The following SPAG16 variants were observed in gnomAD, a reference collection of about 807,000 sequenced individuals.
The protein encoded by SPAG16 is sperm-associated antigen 16 protein.
Under a neutral mutation model 80.4 loss-of-function variants are expected in SPAG16, and 86 were observed. The observed-to-expected ratio is 1.07, with a 90% CI of 0.90 to 1.28. The LOEUF (loss-of-function observed/expected upper bound fraction) is 1.28, where lower values mean the gene tolerates loss of function less well. SPAG16 is among the 50% of genes most tolerant of loss of function. SPAG16 has a pLI of 0.00. For synonymous variants in SPAG16, 294 were observed against 265.9 expected (o/e 1.11, Z -1.03); for missense variants, 870 against 765.3 (o/e 1.14, Z -1.61).
chr2:213,565,438 A>G (rs2059728333), intron 10 of SPAG16, among the ~76,000 whole-genome samples: 2 of 152,274 alleles, frequency 1.3e-5, no homozygotes, highest in African/African-American at 4.8e-5. Context: ...TAAGCAAAAC[A>G]TAAAATATCA....
Position 213,998,084 on chromosome 2 carries a change from C to A in SPAG16, c.1401-15867C>A, listed in dbSNP as rs532424859. Among the ~76,000 whole-genome samples the A allele has an allele frequency of 1.1e-3, 168 of 152,148 alleles. 1 individual carries two copies. The highest frequency in any genetic ancestry group is 1.8e-3 in the Non-Finnish European group (120 of 67,970). ...TTTACTGGGCAATCAATTATTGTGC[C>A]CTTTTTGTTGATCATGTGATTAAGG... On this transcript the variant is annotated intron_variant, in intron 12 of 15. Transcript: ENST00000331683.
intron 15 of SPAG16, among the ~76,000 whole-genome samples, chr2:214,313,013 TA>T (rs1334985656): frequency 1.3e-5 from 2 of 151,970 alleles, no homozygotes; most frequent in African/African-American, 4.8e-5. Context: ...CATTTAGTAT[TA>T]AAAAAATGAT....
At chr2:214,135,699 A>ATCTCTC (rs891227921) in intron 14 of SPAG16, among the ~76,000 whole-genome samples, 2 of 141,494 alleles carry the variant, frequency 1.4e-5, no homozygotes, top group East Asian at 4.4e-4. Context: ...AACTTCCTCT[A>ATCTCTC]TCTCTCTCTC....
At chr2:213,340,465 T>C (rs934162987) in intron 6 of SPAG16, among the ~76,000 whole-genome samples, 195 bp downstream of exon 6, 8 of 152,174 alleles carry the variant, frequency 5.3e-5, no homozygotes, top group South Asian at 2.1e-4. Flanking sequence ...AGCAGAAATA[T>C]ACTGAAATAC....
chr2:214,122,429 A>G (rs11675111), intron 14 of SPAG16, among the ~76,000 whole-genome samples: 29,348 of 151,790 alleles, frequency 0.19, 3,628 homozygotes, highest in Non-Finnish European at 0.28. Flanking sequence ...TTAAAAAACC[A>G]GTGATAAACA....
At chr2:214,368,339 C>T (rs550600916) in intron 15 of SPAG16, among the ~76,000 whole-genome samples, 6 of 152,092 alleles carry the variant, frequency 3.9e-5, no homozygotes, top group Admixed American at 2.0e-4. Flanking sequence ...ATAATATCTC[C>T]TCTGATTTCC....
intron 11 of SPAG16, among the ~76,000 whole-genome samples, chr2:213,918,155 G>T (rs1222282604): frequency 6.6e-6 from 1 of 152,134 alleles, no homozygotes. Context: ...TTGATGTGCT[G>T]CTGGAATTGA....
intron 10 of SPAG16, among the ~76,000 whole-genome samples, chr2:213,699,527 G>T (rs949335134): frequency 1.3e-5 from 2 of 152,090 alleles, no homozygotes; most frequent in African/African-American, 4.8e-5. Context: ...TAATAATATG[G>T]GCTAATGGGA....
intron 6 of SPAG16, 128 bp downstream of exon 6, chr2:213,340,398 G>C: frequency 1.5e-6 from 1 of 678,156 alleles, no homozygotes; most frequent in East Asian, 2.9e-5. Flanking sequence ...AGTAAGTTGC[G>C]ACCCTTGCTG....
At chr2:213,320,007 G>T (rs2063549871) in intron 5 of SPAG16, among the ~76,000 whole-genome samples, 1 of 151,886 alleles carries the variant, frequency 6.6e-6, no homozygotes, top group Non-Finnish European at 1.5e-5. Context: ...ATTTGTGTTT[G>T]CTTTACTCTA....
intron 12 of SPAG16, among the ~76,000 whole-genome samples, chr2:213,967,629 A>G (rs2044773511): frequency 6.6e-6 from 1 of 152,332 alleles, no homozygotes; most frequent in Non-Finnish European, 1.5e-5. Context: ...CAAATAACTA[A>G]GATGAAAATT....
At chr2:213,694,062 G>GAAA (rs2065059433) in intron 10 of SPAG16, among the ~76,000 whole-genome samples, 1 of 148,182 alleles carries the variant, frequency 6.7e-6, no homozygotes, top group African/African-American at 2.6e-5. Flanking sequence ...AAAGAAAAAA[G>GAAA]AGAGGGAGAG....
intron 10 of SPAG16, among the ~76,000 whole-genome samples, chr2:213,852,434 A>G (rs1015118992): frequency 3.3e-5 from 5 of 152,186 alleles, no homozygotes; most frequent in African/African-American, 1.2e-4. Flanking sequence ...TAAAAGCCCT[A>G]TATGACTTTG....
chr2:213,375,569 G>C (rs539523495), intron 9 of SPAG16, among the ~76,000 whole-genome samples: 6 of 152,072 alleles, frequency 3.9e-5, no homozygotes, highest in Non-Finnish European at 7.4e-5. Flanking sequence ...TTTGTAATCA[G>C]ACTGGTAGTT....
Position 213,634,751 on chromosome 2 carries a change from C to T in SPAG16, c.1070+144661C>T, listed in dbSNP as rs1247823869. On this transcript the variant is annotated intron_variant, in intron 10 of 15. Coordinates refer to ENST00000331683, the MANE Select transcript of SPAG16 (RefSeq NM_024532.5). ...AGATGTAGACTTTTATCTGTCATCC[C>T]TCTCCCAACCTTCCTCCCGAACCCT... 3.3e-5 allele frequency among the ~76,000 whole-genome samples: 5 copies of T among 152,042 alleles called. No homozygotes were observed. In the East Asian group the frequency reaches 9.6e-4, roughly 29 times the overall value.
intron 11 of SPAG16, among the ~76,000 whole-genome samples, chr2:213,869,224 G>C (rs1220610160): frequency 8.7e-6 from 1 of 115,602 alleles, no homozygotes; most frequent in Non-Finnish European, 1.9e-5. Flanking sequence ...TTGAACTCTA[G>C]CCTGGGCAAC....
intron 10 of SPAG16, among the ~76,000 whole-genome samples, chr2:213,734,827 A>G (rs1390406863): frequency 1.3e-5 from 2 of 152,152 alleles, no homozygotes; most frequent in African/African-American, 4.8e-5. Context: ...GAAAAGTAGC[A>G]TATCCAATAA....
In SPAG16 at chr2:213,375,020, T is replaced by A. The variant is rs760063448; in HGVS notation, c.843T>A (p.Ser281Arg). 6.2e-7 allele frequency: 1 copy of A among 1,603,530 alleles called. No individual in the cohort carries two copies. Among genetic ancestry groups the A allele is most frequent in the Non-Finnish European group, 8.5e-7 (1 of 1,174,698 alleles). The change falls in exon 9 of 16, where the codon AGT becomes AGA. Residue 281 changes from serine to arginine, a missense_variant. By Grantham distance (110) the Ser-to-Arg change is moderately radical (BLOSUM62 -1). Coordinates refer to ENST00000331683, the MANE Select transcript of SPAG16 (RefSeq NM_024532.5). ...TATATTATCTTGTAGTTGATCATAG[T>A]CGTGAAAAAGAAAATGCACCAGAAG... is the stretch of plus-strand genomic sequence containing the variant. Reference protein sequence around the residue: ...YHGPQIKVDHSREKENAPEGP... With the variant: ...YHGPQIKVDHRREKENAPEGP...
At chr2:213,723,162 A>G (rs2066604923) in intron 10 of SPAG16, among the ~76,000 whole-genome samples, 1 of 152,168 alleles carries the variant, frequency 6.6e-6, no homozygotes, top group Non-Finnish European at 1.5e-5. Flanking sequence ...ATTGGAAATT[A>G]TAGCTCCTTT....
Sources: gnomAD v4.1 joint callset for allele counts (sites outside exome capture counted in the v4.1 genomes callset) on GRCh38, gnomAD v4.1.1 for gene constraint, MANE v1.5 for transcripts, NCBI Gene and HGNC (gene_info 2026-07-23, HGNC 2026-07-21) for gene names.